Variants in RBFOX1 observed in about 807,000 individuals in gnomAD.
RBFOX1 encodes RNA binding protein fox-1 homolog 1.
Under a neutral mutation model 57.7 loss-of-function variants are expected in RBFOX1, and 8 were observed. That is an observed-to-expected ratio of 0.14 (90% CI 0.08 to 0.25). The LOEUF (loss-of-function observed/expected upper bound fraction) is 0.25, where lower values mean the gene tolerates loss of function less well. Ranked by LOEUF, RBFOX1 falls within the 10% of genes least tolerant of loss-of-function variation. The pLI is 1.00. For missense variants in RBFOX1, 611 were observed against 548.5 expected (o/e 1.11, Z -1.14); for synonymous variants, 326 against 222.4 (o/e 1.47, Z -4.15).
chr16:7,619,099 T>C (rs1360185804), intron 10 of RBFOX1, among the ~76,000 whole-genome samples: 1 of 152,198 alleles, frequency 6.6e-6, no homozygotes, highest in Non-Finnish European at 1.5e-5. Flanking sequence ...AGAGATTAAA[T>C]TAGTTAATGG....
chr16:6,441,711 T>C (rs574866826), intron 2 of RBFOX1, among the ~76,000 whole-genome samples: 1 of 152,130 alleles, frequency 6.6e-6, no homozygotes, highest in Non-Finnish European at 1.5e-5. Flanking sequence ...AGCCACCTCG[T>C]GCAGTCAGCT....
intron 3 of RBFOX1, among the ~76,000 whole-genome samples, chr16:6,716,553 C>T (rs2064864422): frequency 1.3e-5 from 2 of 152,208 alleles, no homozygotes; most frequent in Admixed American, 6.5e-5. Flanking sequence ...CTTACTCTTC[C>T]ATCTTCTTGG....
intron 3 of RBFOX1, among the ~76,000 whole-genome samples, chr16:6,700,185 C>T (rs978274721): frequency 2.6e-5 from 4 of 152,056 alleles, no homozygotes; most frequent in African/African-American, 2.4e-5. Context: ...GGGACTTACT[C>T]AATTTTTCAC....
chr16:5,877,511 C>G (rs904662014), intron 4 of RBFOX1, among the ~76,000 whole-genome samples: 1 of 152,238 alleles, frequency 6.6e-6, no homozygotes, highest in Non-Finnish European at 1.5e-5. Context: ...TACCCACATA[C>G]ACTTGATGCA....
At chr16:5,949,832 G>T (rs2059484384) in intron 4 of RBFOX1, among the ~76,000 whole-genome samples, 2 of 152,174 alleles carry the variant, frequency 1.3e-5, no homozygotes, top group African/African-American at 4.8e-5. Context: ...GTGGGGCCCA[G>T]AAATCCATTC....
intron 4 of RBFOX1, among the ~76,000 whole-genome samples, chr16:7,512,301 G>A (rs1025848641): frequency 3.3e-5 from 5 of 152,140 alleles, no homozygotes; most frequent in Non-Finnish European, 5.9e-5. Flanking sequence ...TGCCCTTAAT[G>A]TCAGTGTATT....
At chr16:6,540,517 C>T (rs926211488) in intron 2 of RBFOX1, among the ~76,000 whole-genome samples, 9 of 145,002 alleles carry the variant, frequency 6.2e-5, no homozygotes, top group East Asian at 2.1e-4. Context: ...GAGGCTGAGG[C>T]AGGAAAATCG....
At chr16:5,536,024 C>T (rs1408631508) in intron 2 of RBFOX1, among the ~76,000 whole-genome samples, 2 of 152,076 alleles carry the variant, frequency 1.3e-5, no homozygotes, top group African/African-American at 4.8e-5. Flanking sequence ...AGCCCCCTTT[C>T]CTGACAGGGA....
At chr16:6,059,001 A>G (rs369961253) in intron 1 of RBFOX1, among the ~76,000 whole-genome samples, 119 of 152,342 alleles carry the variant, frequency 7.8e-4, no homozygotes, top group African/African-American at 2.6e-3. Context: ...ACCAAGAAAA[A>G]TGAATGTGAA....
intron 1 of RBFOX1, among the ~76,000 whole-genome samples, chr16:5,442,139 A>T (rs1196679429): frequency 2.0e-5 from 3 of 152,350 alleles, no homozygotes; most frequent in East Asian, 3.9e-4. Context: ...GGAAGCTCAG[A>T]CCAAGAAAAC....
At chr16:5,356,776 T>G (rs905580807) in intron 1 of RBFOX1, among the ~76,000 whole-genome samples, 1 of 152,172 alleles carries the variant, frequency 6.6e-6, no homozygotes, top group Non-Finnish European at 1.5e-5. Flanking sequence ...AGGAGGAAAT[T>G]AATTTATTTG....
intron 3 of RBFOX1, among the ~76,000 whole-genome samples, chr16:6,930,129 C>G (rs988789941): frequency 1.3e-5 from 2 of 152,162 alleles, no homozygotes; most frequent in African/African-American, 4.8e-5. Flanking sequence ...ATGTGAGCCC[C>G]TCAATCTGTG....
chr16:6,513,024 A>C (rs7200748), intron 2 of RBFOX1, among the ~76,000 whole-genome samples: 4,572 of 152,276 alleles, frequency 0.03, 216 homozygotes, highest in African/African-American at 0.1. Context: ...TCTCCTTCCC[A>C]CTGTGAAAAT....
intron 1 of RBFOX1, among the ~76,000 whole-genome samples, chr16:5,280,010 G>T (rs1364769289): frequency 6.6e-6 from 1 of 152,176 alleles, no homozygotes; most frequent in Non-Finnish European, 1.5e-5. Context: ...TCCTTGTCTT[G>T]TTCCAGTTCT....
intron 2 of RBFOX1, among the ~76,000 whole-genome samples, chr16:6,497,851 C>A (rs2153165128): frequency 6.6e-6 from 1 of 152,166 alleles, no homozygotes; most frequent in African/African-American, 2.4e-5. Flanking sequence ...GTCACCACTC[C>A]CGGCCCTATT....
intron 2 of RBFOX1, among the ~76,000 whole-genome samples, chr16:5,498,909 C>A (rs2043095945): frequency 6.6e-6 from 1 of 152,202 alleles, no homozygotes; most frequent in Non-Finnish European, 1.5e-5. Context: ...CAGGTCCATC[C>A]TTCTCAGAGG....
chr16:6,036,721 G>C (rs1358749381), intron 1 of RBFOX1, among the ~76,000 whole-genome samples: 1 of 152,144 alleles, frequency 6.6e-6, no homozygotes, highest in African/African-American at 2.4e-5. Context: ...TTCTGAGAAA[G>C]GAATTTTTAA....
At chr16:5,456,053 A>T (rs1400383544) in intron 1 of RBFOX1, among the ~76,000 whole-genome samples, 1 of 152,190 alleles carries the variant, frequency 6.6e-6, no homozygotes, top group Admixed American at 6.5e-5. Context: ...AAAATGGAGT[A>T]AAATACACAA....
intron 3 of RBFOX1, among the ~76,000 whole-genome samples, chr16:6,769,969 A>G (rs999102630): frequency 2.0e-5 from 3 of 152,188 alleles, no homozygotes; most frequent in Admixed American, 6.6e-5. Context: ...TTATGCCTGC[A>G]GGCTACAGGT....
Sources: gnomAD v4.1 joint callset for allele counts (sites outside exome capture counted in the v4.1 genomes callset) on GRCh38, gnomAD v4.1.1 for gene constraint, MANE v1.5 for transcripts, NCBI Gene and HGNC (gene_info 2026-07-23, HGNC 2026-07-21) for gene names.